Variants in RBMS2 observed in about 807,000 individuals in gnomAD.
RBMS2 encodes RNA-binding motif, single-stranded-interacting protein 2.
RBMS2 carries 38 observed loss-of-function variants against 58.4 expected under a neutral mutation model. The observed-to-expected ratio is 0.65, with a 90% CI of 0.50 to 0.85. The LOEUF (loss-of-function observed/expected upper bound fraction) is 0.85. Ranked by LOEUF, RBMS2 falls within the 40% of genes least tolerant of loss-of-function variation. RBMS2 has a pLI of 0.00. For synonymous variants in RBMS2, 151 were observed against 180.7 expected, an observed-to-expected ratio of 0.84 and a Z score of 1.32; for missense variants, 367 against 503.7, an observed-to-expected ratio of 0.73 and a Z score of 2.60.
chr12:56,578,826 G>A (rs771092327), intron 5 of RBMS2, among the ~76,000 whole-genome samples: 2 of 152,118 alleles, frequency 1.3e-5, no homozygotes, highest in South Asian at 2.1e-4. Flanking sequence ...TTAGCCAGGC[G>A]TGGTGGCTCA....
chr12:56,588,665 G>A, intron 12 of RBMS2: 1 of 590,722 alleles, frequency 1.7e-6, no homozygotes, highest in African/African-American at 1.9e-5. Flanking sequence ...CTTGGTCTGA[G>A]TTCATGAATG....
At chr12:56,529,560 CAACAACAACAACAACAAT>C (rs1873312102) in intron 1 of RBMS2, among the ~76,000 whole-genome samples, 3 of 150,528 alleles carry the variant, frequency 2.0e-5, no homozygotes, top group Admixed American at 2.0e-4. Flanking sequence ...TCTGTCCCAA[CAACAACAACAACAACAAT>C]AACAACAACA....
chr12:56,532,590 C>T (rs567063535), intron 1 of RBMS2, among the ~76,000 whole-genome samples: 73 of 152,008 alleles, frequency 4.8e-4, no homozygotes, highest in African/African-American at 1.8e-3. Flanking sequence ...TTTTCTTCTT[C>T]TTCTAGCCAT....
chr12:56,528,226 G>A (rs1042321230), intron 1 of RBMS2, among the ~76,000 whole-genome samples: 4 of 150,426 alleles, frequency 2.7e-5, no homozygotes, highest in African/African-American at 9.8e-5. Context: ...TTGCAGCCTG[G>A]GCAACTGAGC....
intron 1 of RBMS2, among the ~76,000 whole-genome samples, chr12:56,543,943 T>G (rs1876646704): frequency 6.6e-6 from 1 of 151,670 alleles, no homozygotes; most frequent in African/African-American, 2.4e-5. Context: ...GCTGGGATTA[T>G]AGGTGTGAGC....
At chr12:56,573,240 G>A (rs1480980846) in intron 5 of RBMS2, 1 of 917,392 alleles carries the variant, frequency 1.1e-6, no homozygotes, top group Non-Finnish European at 1.3e-6. Flanking sequence ...ACTTTGGGAG[G>A]CTGAGGCGGG....
chr12:56,522,392 T>C (rs149370059), intron 1 of RBMS2, among the ~76,000 whole-genome samples: 52 of 152,248 alleles, frequency 3.4e-4, no homozygotes, highest in African/African-American at 1.2e-3. Context: ...GATGTATCAA[T>C]CTCCACAAGG....
intron 9 of RBMS2, among the ~76,000 whole-genome samples, chr12:56,583,884 T>C (rs1209540134): frequency 6.6e-6 from 1 of 152,228 alleles, no homozygotes; most frequent in Admixed American, 6.5e-5. Context: ...CTAAATGTTA[T>C]CTTTGTTACA....
chr12:56,521,129 A>G (rs1188126178), upstream of RBMS2, among the ~76,000 whole-genome samples: 1 of 152,140 alleles, frequency 6.6e-6, no homozygotes, highest in Non-Finnish European at 1.5e-5. Context: ...TCCTTTGTAC[A>G]TTAAGATCAC....
chr12:56,578,295 A>C (rs916600329), intron 5 of RBMS2, among the ~76,000 whole-genome samples: 12 of 151,336 alleles, frequency 7.9e-5, no homozygotes. Flanking sequence ...TGCCCAGCTA[A>C]TTTTTGTATT....
intron 1 of RBMS2, among the ~76,000 whole-genome samples, chr12:56,540,070 G>A (rs1875789803): frequency 6.6e-6 from 1 of 151,836 alleles, no homozygotes; most frequent in South Asian, 2.1e-4. Flanking sequence ...CCTTCTTTTT[G>A]TCTTTTTTTT....
chr12:56,586,533 T>C (rs189844476), intron 9 of RBMS2, among the ~76,000 whole-genome samples: 75 of 151,908 alleles, frequency 4.9e-4, no homozygotes, highest in African/African-American at 1.6e-3. Context: ...TTGTATATCT[T>C]CTTAGAGAGA....
At chr12:56,544,219 T>A (rs1876714914) in intron 1 of RBMS2, among the ~76,000 whole-genome samples, 1 of 152,164 alleles carries the variant, frequency 6.6e-6, no homozygotes, top group East Asian at 1.9e-4. Flanking sequence ...GAGCTTGCAA[T>A]GAGCCGAGAT....
chr12:56,530,552 G>T (rs995665277), intron 1 of RBMS2, among the ~76,000 whole-genome samples: 51 of 151,090 alleles, frequency 3.4e-4, no homozygotes, highest in African/African-American at 1.1e-3. Flanking sequence ...TACAGATGGG[G>T]TCCCACTATA....
intron 11 of RBMS2, among the ~76,000 whole-genome samples, chr12:56,587,935 G>A (rs964739375): frequency 3.9e-5 from 6 of 152,216 alleles, no homozygotes; most frequent in Middle Eastern, 3.4e-3. Context: ...ATACACACAC[G>A]TCCTAGGAAT....
At position 56,562,462 on chromosome 12, in the gene RBMS2, A is replaced by T; in HGVS notation, c.112A>T (p.Asn38Tyr). ...AQQMAPPSPS[N>Y]STPNSSSGSN... is the part of the protein sequence containing the mutation. ...GCAGATGGCACCACCTAGCCCAAGC[A>T]ACAGTACACCTAACAGCAGTAGTGG... is the stretch of plus-strand genomic sequence containing the variant. Residue 38 changes from asparagine to tyrosine, a missense_variant, in exon 2 of 14, where the codon AAC (asparagine) becomes TAC (tyrosine). Around this residue, in one of 3 missense-constraint regions of RBMS2, gnomAD observed 93 missense variants for 132.2 expected, o/e 0.70. Coordinates refer to ENST00000262031, the MANE Select transcript of RBMS2 (RefSeq NM_002898.4). 1 of 1,609,018 alleles carries T rather than the reference A, an allele frequency of 6.2e-7. No homozygotes were observed.
chr12:56,573,154 C>T, intron 5 of RBMS2: 1 of 983,948 alleles, frequency 1.0e-6, no homozygotes, highest in Non-Finnish European at 1.2e-6. Flanking sequence ...CCCCCTTACT[C>T]TGAGTGTTTC....
intron 1 of RBMS2, among the ~76,000 whole-genome samples, chr12:56,554,383 A>G (rs1346000712): frequency 6.6e-6 from 1 of 152,220 alleles, no homozygotes; most frequent in African/African-American, 2.4e-5. Context: ...TGGTAAATAT[A>G]TACCATGGAA....
chr12:56,551,737 A>G (rs1878305263), intron 1 of RBMS2, among the ~76,000 whole-genome samples: 1 of 152,206 alleles, frequency 6.6e-6, no homozygotes, highest in South Asian at 2.1e-4. Context: ...TGCTTGATGT[A>G]TATATGTTGA....
Sources: allele counts gnomAD v4.1 joint callset (sites outside exome capture counted in the v4.1 genomes callset), GRCh38; gene constraint gnomAD v4.1.1; regional missense constraint gnomAD v4.1.1; transcripts MANE v1.5; gene names NCBI Gene and HGNC (gene_info 2026-07-23, HGNC 2026-07-21).